The following ITGA8 variants were observed in gnomAD, a reference collection of about 807,000 sequenced individuals.
ITGA8 encodes the protein integrin subunit alpha 8, also known as integrin alpha-8.
ITGA8 carries 91 observed loss-of-function variants against 142.3 expected under a neutral mutation model. That is an observed-to-expected ratio of 0.64 (90% confidence interval 0.54 to 0.76). The LOEUF (loss-of-function observed/expected upper bound fraction) is 0.76, where lower values mean the gene tolerates loss of function less well. Among genes scored for constraint, ITGA8 ranks in the 30% least tolerant of loss-of-function variants. The pLI is 0.00. For synonymous variants in ITGA8, 505 were observed against 485.2 expected, an observed-to-expected ratio of 1.04 and a Z score of -0.54; for missense variants, 1,406 against 1,327.7, an observed-to-expected ratio of 1.06 and a Z score of -0.92.
intron 28 of ITGA8, among the ~76,000 whole-genome samples, chr10:15,525,707 T>G (rs1018639875): frequency 1.4e-5 from 2 of 142,290 alleles, no homozygotes; most frequent in Non-Finnish European, 3.1e-5. Context: ...TTTAATAACA[T>G]AGTTTATCTA....
chr10:15,703,296 C>T (rs1209151078), intron 2 of ITGA8, among the ~76,000 whole-genome samples: 2 of 152,200 alleles, frequency 1.3e-5, no homozygotes, highest in African/African-American at 4.8e-5. Context: ...ACAGAGATCA[C>T]ATTTCTAACT....
intron 6 of ITGA8, 29 bp from the exon 7 acceptor site, chr10:15,672,778 T>C (rs375804713): frequency 3.2e-6 from 5 of 1,555,646 alleles, no homozygotes; most frequent in Admixed American, 1.9e-5. Context: ...ATACGTTAAC[T>C]GAATGAAAGC....
At chr10:15,522,296 CTTG>C (rs1208973403) in intron 28 of ITGA8, among the ~76,000 whole-genome samples, 2 of 152,168 alleles carry the variant, frequency 1.3e-5, no homozygotes, top group East Asian at 1.9e-4. Flanking sequence ...GATTATTTCT[CTTG>C]TTATGTACCC....
chr10:15,536,824 G>C (rs1833448190), intron 27 of ITGA8, among the ~76,000 whole-genome samples: 1 of 152,194 alleles, frequency 6.6e-6, no homozygotes, highest in African/African-American at 2.4e-5. Context: ...CAATAAAAGT[G>C]AGTTGGTAAC....
intron 4 of ITGA8, among the ~76,000 whole-genome samples, chr10:15,679,136 C>A (rs78426125): frequency 0.017 from 2,518 of 152,234 alleles, 91 homozygotes; most frequent in South Asian, 0.11. Flanking sequence ...CTTTTGCCCC[C>A]TCGTGCTGTG....
chr10:15,525,453 G>T (rs1258393497), intron 28 of ITGA8, among the ~76,000 whole-genome samples: 1 of 151,788 alleles, frequency 6.6e-6, no homozygotes, highest in Non-Finnish European at 1.5e-5. Context: ...GACCAGCCTG[G>T]CCAACATGAT....
chr10:15,622,402 C>T (rs554515937), intron 13 of ITGA8, among the ~76,000 whole-genome samples: 39 of 151,942 alleles, frequency 2.6e-4, no homozygotes, highest in Admixed American at 1.5e-3. Flanking sequence ...TAGAATAATT[C>T]CAGACAATGA....
At position 15,719,637 on chromosome 10, in the gene ITGA8, C is replaced by A. The variant is rs757854793; in HGVS notation, c.135G>T (p.Lys45Asn). The change falls in exon 1 of 30, where the codon AAG (lysine) becomes AAT (asparagine). Residue 45 changes from lysine (K) to asparagine (N), a missense_variant. Lys to Asn is a moderately conservative substitution (Grantham distance 94). Transcript: ENST00000378076. ...CCTTGGGGCCGCTGTACACTGTGAG[C>A]TTTTCCACGTCCAGGTTGAACGCCT... ...ACQAFNLDVEKLTVYSGPKGS... is the reference protein window; with the variant it reads ...ACQAFNLDVENLTVYSGPKGS... 3 of 1,537,434 alleles carry A rather than the reference C, an allele frequency of 2.0e-6. No homozygotes were observed. The highest frequency in any genetic ancestry group is 2.6e-6 in the Non-Finnish European group (3 of 1,151,844).
chr10:15,523,121 AG>A (rs1484889456), intron 28 of ITGA8, among the ~76,000 whole-genome samples: 1 of 152,210 alleles, frequency 6.6e-6, no homozygotes, highest in East Asian at 1.9e-4. Context: ...ATGCTAAAGG[AG>A]TTGAAATAGA....
intron 28 of ITGA8, among the ~76,000 whole-genome samples, chr10:15,524,442 CAT>C (rs1833128751): frequency 6.6e-6 from 1 of 152,146 alleles, no homozygotes; most frequent in Admixed American, 6.5e-5. Context: ...AGTGTTCAGA[CAT>C]ATTTCTCTGA....
At chr10:15,529,198 C>T (rs1404103252) in intron 28 of ITGA8, among the ~76,000 whole-genome samples, 1 of 152,196 alleles carries the variant, frequency 6.6e-6, no homozygotes, top group Non-Finnish European at 1.5e-5. Context: ...GATCCTCCCA[C>T]AACTGTGCAA....
At chr10:15,672,583 T>A in intron 7 of ITGA8, 41 bp downstream of exon 7, 1 of 1,580,760 alleles carries the variant, frequency 6.3e-7, no homozygotes, top group African/African-American at 1.4e-5. Flanking sequence ...ACTATGCTTG[T>A]CTTTTGAAAA....
intron 2 of ITGA8, among the ~76,000 whole-genome samples, chr10:15,709,899 G>T (rs1209738005): frequency 6.6e-6 from 1 of 152,036 alleles, no homozygotes; most frequent in African/African-American, 2.4e-5. Flanking sequence ...TAGAACCTAG[G>T]TACTTTATAT....
intron 26 of ITGA8, among the ~76,000 whole-genome samples, 165 bp downstream of exon 26, chr10:15,557,909 C>A (rs1453843756): frequency 6.6e-6 from 1 of 152,226 alleles, no homozygotes; most frequent in African/African-American, 2.4e-5. Context: ...TTAATTCTTA[C>A]AGAAAAGTTG....
At chr10:15,535,113 G>A (rs1040290129) in intron 27 of ITGA8, among the ~76,000 whole-genome samples, 8 of 152,146 alleles carry the variant, frequency 5.3e-5, no homozygotes, top group Non-Finnish European at 8.8e-5. Context: ...GGGTCCCCCA[G>A]CAGTGCCGGC....
Position 15,613,715 on chromosome 10 carries a change from T to C in ITGA8, c.1498A>G (p.Ile500Val). The C allele has an allele frequency of 6.2e-7, 1 of 1,614,172 alleles. No homozygotes were observed. Among genetic ancestry groups the C allele is most frequent in the Non-Finnish European group, 8.5e-7 (1 of 1,180,004 alleles). ...DAQLLLHPMI[I>V]NLENKTCQVP... ...TGGCAAGTTTTATTTTCAAGATTGA[T>C]AATCATTGGGTGCAGCAGAAGCTGG... The change falls in exon 15 of 30, where the codon ATC (isoleucine) becomes GTC (valine). Residue 500 changes from isoleucine (I) to valine (V), a missense_variant. Ile to Val is a conservative substitution (Grantham distance 29, BLOSUM62 3). Transcript: ENST00000378076.
At chr10:15,611,951 A>T (rs1833305185) in intron 15 of ITGA8, among the ~76,000 whole-genome samples, 1 of 152,228 alleles carries the variant, frequency 6.6e-6, no homozygotes, top group Non-Finnish European at 1.5e-5. Context: ...CTAGAAGTCC[A>T]TTCTGTTATG....
At chr10:15,517,362 T>G in intron 29 of ITGA8, 118 bp from the exon 30 acceptor site, 1 of 570,560 alleles carries the variant, frequency 1.8e-6, no homozygotes, top group Non-Finnish European at 3.0e-6. Flanking sequence ...TCGCTCTCTA[T>G]TCCCCAGGCT....
intron 9 of ITGA8, among the ~76,000 whole-genome samples, 185 bp downstream of exon 9, chr10:15,660,694 G>A (rs1263687032): frequency 1.3e-5 from 2 of 152,182 alleles, no homozygotes; most frequent in Non-Finnish European, 2.9e-5. Flanking sequence ...GTGGGCTAAT[G>A]TAGGTGTTCT....
Sources: allele counts gnomAD v4.1 joint callset (sites outside exome capture counted in the v4.1 genomes callset), GRCh38; gene constraint gnomAD v4.1.1; transcripts MANE v1.5; gene names NCBI Gene and HGNC (gene_info 2026-07-23, HGNC 2026-07-21).